The following MAML2 variants were observed in gnomAD, a reference collection of about 807,000 sequenced individuals.
The protein encoded by MAML2 is mastermind like transcriptional coactivator 2, also known as mastermind-like protein 2.
MAML2 carries 22 observed loss-of-function variants against 96.1 expected under a neutral mutation model. The observed-to-expected ratio is 0.23, with a 90% CI of 0.16 to 0.33. The LOEUF is 0.33. Among genes scored for constraint, MAML2 ranks in the 10% least tolerant of loss-of-function variants. MAML2 has a pLI of 1.00. For missense variants in MAML2, 1,367 were observed against 1,392.4 expected (o/e 0.98, Z 0.29); for synonymous variants, 561 against 521.3 (o/e 1.08, Z -1.04).
In MAML2 at chr11:95,979,434, G is replaced by T. The variant is rs1003958742; in HGVS notation, c.2985C>A (p.Thr995=). 1.2e-6 allele frequency: 2 copies of T among 1,613,582 alleles called. No homozygotes were observed. Among genetic ancestry groups the T allele is most frequent in the Middle Eastern group, 3.3e-4 (2 of 6,060 alleles). Residue 995 remains threonine (T), a synonymous_variant, in exon 5 of 5, where the codon ACC becomes ACA. Transcript: ENST00000524717. The part of the protein sequence containing the change: ...RFPTGTPAAY[T]PNQSLQQAVG... ...CTGCCTGTTGCAGTGACTGATTTGGGGTATAGGCTGCAGGTGTACCTGTGG... is the reference window on the plus strand; with the variant it reads ...CTGCCTGTTGCAGTGACTGATTTGGTGTATAGGCTGCAGGTGTACCTGTGG...
At chr11:96,190,217 T>A (rs371164656) in intron 1 of MAML2, among the ~76,000 whole-genome samples, 5 of 152,192 alleles carry the variant, frequency 3.3e-5, no homozygotes, top group Admixed American at 2.6e-4. Flanking sequence ...ATACATGTGT[T>A]AGGCACTGAT....
intron 1 of MAML2, among the ~76,000 whole-genome samples, chr11:96,212,577 G>A (rs1274530047): frequency 1.3e-5 from 2 of 152,218 alleles, no homozygotes; most frequent in Non-Finnish European, 2.9e-5. Flanking sequence ...AGCAGTGGGT[G>A]AGCCTCCTCT....
rs928147152 is a variant in MAML2, at chr11:96,342,730, G to T, written c.-835C>A. ...CCGGTAAAATCCTCACTCCCTCTAA[G>T]GTTTCCTAGCCTTAAATGAAAAGCA... is the stretch of plus-strand genomic sequence containing the variant. On this transcript the variant is annotated 5_prime_UTR_variant, in exon 1 of 5. Coordinates refer to ENST00000524717, the MANE Select transcript of MAML2 (RefSeq NM_032427.4). 3.1e-6 allele frequency: 1 copy of T among 327,222 alleles called. No homozygotes were observed. The highest frequency in any genetic ancestry group is 5.5e-6 in the Non-Finnish European group (1 of 181,598). 20.3% of individuals were successfully genotyped at this position (327,222 alleles called of 1,614,324 possible).
At chr11:96,084,959 A>C (rs1859584464) in intron 2 of MAML2, among the ~76,000 whole-genome samples, 1 of 152,124 alleles carries the variant, frequency 6.6e-6, no homozygotes, top group African/African-American at 2.4e-5. Flanking sequence ...CAGGTCAACC[A>C]CCCCTGTTCT....
At chr11:96,159,834 T>C (rs1205772145) in intron 1 of MAML2, among the ~76,000 whole-genome samples, 2 of 152,194 alleles carry the variant, frequency 1.3e-5, no homozygotes, top group Admixed American at 1.3e-4. Flanking sequence ...TTTGCATTGC[T>C]ATTAAGTTCC....
chr11:96,092,044 G>T lies in MAML2; in HGVS notation c.1987C>A (p.Gln663Lys). The T allele has an allele frequency of 1.3e-6, 2 of 1,554,156 alleles. No homozygotes were observed. The highest frequency in any genetic ancestry group is 1.7e-6 in the Non-Finnish European group (2 of 1,148,556). Residue 663 changes from glutamine (Q) to lysine (K), a missense_variant, in exon 2 of 5, where the codon CAG (glutamine) becomes AAG (lysine). Physicochemically the swap from Gln to Lys is moderately conservative, Grantham distance 53. Transcript: ENST00000524717. This position sits in a 1 kb window ranked among gnomAD's most constrained non-coding sequence, Gnocchi z 4.1. ...QQQQQQQQQQ[Q>K]QQPSSQPAQS... ...GCAGGCTGAGAAGATGGTTGTTGCT[G>T]CTGCTGCTGCTGCTGTTGTTGCTGT...
intron 1 of MAML2, among the ~76,000 whole-genome samples, chr11:96,103,498 T>C (rs1000642133): frequency 6.6e-6 from 1 of 152,202 alleles, no homozygotes; most frequent in African/African-American, 2.4e-5. Flanking sequence ...CTAACAGTGT[T>C]CGAGGGTTGT....
At chr11:96,099,657 A>G (rs1177451896) in intron 1 of MAML2, among the ~76,000 whole-genome samples, 4 of 152,134 alleles carry the variant, frequency 2.6e-5, no homozygotes, top group Non-Finnish European at 5.9e-5. Flanking sequence ...CCTTCTAACT[A>G]TTGAGTGGGA....
chr11:96,072,634 T>G (rs1171371255), intron 2 of MAML2, among the ~76,000 whole-genome samples: 1 of 151,838 alleles, frequency 6.6e-6, no homozygotes, highest in African/African-American at 2.4e-5. Flanking sequence ...GAAGACGGAG[T>G]CCCCTCAACT....
At chr11:96,273,499 T>C (rs549348634) in intron 1 of MAML2, among the ~76,000 whole-genome samples, 44 of 152,336 alleles carry the variant, frequency 2.9e-4, no homozygotes, top group South Asian at 2.1e-4. Flanking sequence ...TTTTCTTCTT[T>C]TGTAGCTTTC....
intron 1 of MAML2, among the ~76,000 whole-genome samples, chr11:96,252,671 G>A (rs10831502): frequency 0.31 from 46,485 of 151,982 alleles, 8,494 homozygotes; most frequent in South Asian, 0.54. Context: ...TGAGGCAGGA[G>A]GCAGACACTA....
intron 1 of MAML2, among the ~76,000 whole-genome samples, chr11:96,311,629 T>C (rs1369985851): frequency 1.3e-5 from 2 of 152,174 alleles, no homozygotes; most frequent in Non-Finnish European, 2.9e-5. Context: ...CAGTCTTACA[T>C]GCAGAAATGG....
intron 1 of MAML2, among the ~76,000 whole-genome samples, chr11:96,105,448 C>T (rs1023618293): frequency 6.6e-6 from 1 of 152,200 alleles, no homozygotes; most frequent in Non-Finnish European, 1.5e-5. Flanking sequence ...GATACAATCA[C>T]CTGGAGACAC....
chr11:96,161,438 A>G (rs1278303469), intron 1 of MAML2, among the ~76,000 whole-genome samples: 3 of 152,158 alleles, frequency 2.0e-5, no homozygotes, highest in Non-Finnish European at 4.4e-5. Context: ...TAATAGGTTC[A>G]TTTTTTACCC....
intron 1 of MAML2, among the ~76,000 whole-genome samples, chr11:96,270,835 T>C (rs1276621937): frequency 2.0e-5 from 3 of 152,220 alleles, no homozygotes; most frequent in East Asian, 3.9e-4. Context: ...TCTGTGAGGG[T>C]GTTGCCAAAG....
intron 1 of MAML2, among the ~76,000 whole-genome samples, chr11:96,340,466 C>T (rs1863977842): frequency 6.6e-6 from 1 of 152,222 alleles, no homozygotes; most frequent in Non-Finnish European, 1.5e-5. Flanking sequence ...CAGGCAGTCA[C>T]CTGACCAGGA....
chr11:96,194,322 C>A (rs906210168), intron 1 of MAML2, among the ~76,000 whole-genome samples: 1 of 152,146 alleles, frequency 6.6e-6, no homozygotes, highest in African/African-American at 2.4e-5. Flanking sequence ...ACTGTGTATA[C>A]ATAGTTGAAG....
At chr11:96,156,878 A>G (rs960935046) in intron 1 of MAML2, among the ~76,000 whole-genome samples, 1 of 152,212 alleles carries the variant, frequency 6.6e-6, no homozygotes, top group Non-Finnish European at 1.5e-5. Context: ...AGCAATAAAA[A>G]CAAAACACAG....
intron 1 of MAML2, among the ~76,000 whole-genome samples, chr11:96,140,020 C>T (rs1443502410): frequency 6.6e-6 from 1 of 152,196 alleles, no homozygotes; most frequent in East Asian, 1.9e-4. Context: ...ACGAAAAGTT[C>T]TCAAACCCAA....
Sources: gnomAD v4.1 joint callset for allele counts (sites outside exome capture counted in the v4.1 genomes callset) on GRCh38, gnomAD v4.1.1 for gene constraint, Gnocchi (gnomAD v3.1) non-coding constraint, MANE v1.5 for transcripts, NCBI Gene and HGNC (gene_info 2026-07-23, HGNC 2026-07-21) for gene names.